The following FARS2 variants were observed in gnomAD, a reference collection of about 807,000 sequenced individuals.
FARS2 encodes phenylalanyl-tRNA synthetase 2, mitochondrial.
Under a neutral mutation model 46.4 loss-of-function variants are expected in FARS2, and 40 were observed. The observed-to-expected ratio is 0.86, with a 90% CI of 0.67 to 1.12. The LOEUF is 1.12. Ranked by LOEUF, FARS2 falls within the 50% of genes most tolerant of loss-of-function variation. The pLI, the probability that FARS2 is intolerant of heterozygous loss-of-function variation, is 0.00. For missense variants in FARS2, 513 were observed against 567.9 expected (o/e 0.90, Z 0.98); for synonymous variants, 234 against 214.9 (o/e 1.09, Z -0.78).
At chr6:5,332,615 G>A (rs999122025) in intron 1 of FARS2, among the ~76,000 whole-genome samples, 2 of 152,146 alleles carry the variant, frequency 1.3e-5, no homozygotes, top group Admixed American at 1.3e-4. Context: ...TTAAAATCAC[G>A]CTAACTCAGA....
chr6:5,403,599 A>G (rs557622781), intron 2 of FARS2, among the ~76,000 whole-genome samples: 3 of 152,120 alleles, frequency 2.0e-5, no homozygotes, highest in South Asian at 4.2e-4. Context: ...TACTTCTTCA[A>G]TGCTGTTAAG....
chr6:5,276,949 TA>T (rs1766378648), intron 1 of FARS2, among the ~76,000 whole-genome samples: 1 of 152,216 alleles, frequency 6.6e-6, no homozygotes, highest in African/African-American at 2.4e-5. Context: ...GAAATCCACC[TA>T]TTCCTCCTCA....
intron 6 of FARS2, among the ~76,000 whole-genome samples, chr6:5,633,559 C>T (rs867542743): frequency 2.6e-5 from 4 of 152,060 alleles, no homozygotes; most frequent in African/African-American, 4.8e-5. Context: ...TGAGCCACCA[C>T]GCCCGGCACC....
At chr6:5,365,317 C>CTT (rs61097603) in intron 1 of FARS2, among the ~76,000 whole-genome samples, 607 of 42,488 alleles carry the variant, frequency 0.014, 177 homozygotes, top group Middle Eastern at 0.045. Context: ...AGTATACTTT[C>CTT]TTTTTTTTTT....
At chr6:5,295,199 C>T (rs1767771425) in intron 1 of FARS2, among the ~76,000 whole-genome samples, 1 of 152,240 alleles carries the variant, frequency 6.6e-6, no homozygotes, top group Middle Eastern at 3.4e-3. Flanking sequence ...TATGTGCCGT[C>T]ATATACGTTA....
intron 1 of FARS2, among the ~76,000 whole-genome samples, chr6:5,279,907 A>G (rs1253703939): frequency 6.6e-6 from 1 of 152,224 alleles, no homozygotes; most frequent in Non-Finnish European, 1.5e-5. Context: ...CTCATCCAGA[A>G]ACATGCTCAT....
At position 5,261,588 on chromosome 6, in the gene FARS2, C is replaced by G. The variant is rs1035489835; in HGVS notation, c.-94C>G. ...GAAGTTGGGGTTTAAGATTCTTGCC[C>G]GTGAGAGCGAACGAGCCTGCCGTAC... On this transcript the variant is annotated 5_prime_UTR_variant, in exon 1 of 7. Transcript: ENST00000274680. The G allele has an allele frequency of 1.3e-5, 2 of 152,328 alleles. No homozygotes were observed. The highest frequency in any genetic ancestry group is 6.5e-5 in the Admixed American group (1 of 15,286). The allele number at this position is 152,328 out of a possible 1,614,324, so 9.4% of individuals were successfully genotyped here. A position where few individuals can be genotyped will look rare whatever the true frequency, so the allele number is the denominator to read the frequency against.
At chr6:5,710,695 G>T (rs922761843) in intron 6 of FARS2, among the ~76,000 whole-genome samples, 7 of 152,226 alleles carry the variant, frequency 4.6e-5, no homozygotes, top group African/African-American at 1.7e-4. Flanking sequence ...TGCCAGACAG[G>T]CAAGAGCTGC....
chr6:5,475,110 G>A (rs1255809555), intron 4 of FARS2, among the ~76,000 whole-genome samples: 2 of 152,210 alleles, frequency 1.3e-5, no homozygotes, highest in East Asian at 3.9e-4. Flanking sequence ...CTAAATGAAA[G>A]GATATGATTG....
chr6:5,622,860 A>C (rs1213709915), intron 6 of FARS2, among the ~76,000 whole-genome samples: 1 of 152,204 alleles, frequency 6.6e-6, no homozygotes, highest in South Asian at 2.1e-4. Context: ...GTCTTCCTGC[A>C]ATGTTTATAT....
At chr6:5,651,037 C>A (rs538735750) in intron 6 of FARS2, among the ~76,000 whole-genome samples, 2 of 152,324 alleles carry the variant, frequency 1.3e-5, no homozygotes, top group African/African-American at 4.8e-5. Context: ...GCTTTAACCT[C>A]AGTTGCCTCT....
intron 6 of FARS2, among the ~76,000 whole-genome samples, chr6:5,740,818 G>A (rs923610036): frequency 3.9e-5 from 6 of 152,206 alleles, no homozygotes; most frequent in African/African-American, 9.6e-5. Context: ...TCCAGGATCC[G>A]TGTTGTACTT....
chr6:5,477,840 G>T (rs1484381440), intron 4 of FARS2, among the ~76,000 whole-genome samples: 2 of 152,108 alleles, frequency 1.3e-5, no homozygotes, highest in East Asian at 3.9e-4. Context: ...GCAAGATAGT[G>T]AGACCTCATC....
At chr6:5,568,625 G>A (rs1439368998) in intron 5 of FARS2, among the ~76,000 whole-genome samples, 1 of 152,208 alleles carries the variant, frequency 6.6e-6, no homozygotes, top group Non-Finnish European at 1.5e-5. Context: ...ATAGTCTGTG[G>A]TTCAGTGTAG....
rs1762364883 is a variant in FARS2, at chr6:5,418,472, C to A, written c.773-12569C>A. On this transcript the variant is annotated intron_variant, in intron 3 of 6. Coordinates refer to ENST00000274680, the MANE Select transcript of FARS2 (RefSeq NM_006567.5). ...TGCGAGACCTGTCTTAGCTCTGTAACCGATAACCCGTGAATTATGAGGTTT... is the reference window on the plus strand; with the variant it reads ...TGCGAGACCTGTCTTAGCTCTGTAAACGATAACCCGTGAATTATGAGGTTT... Among the ~76,000 whole-genome samples the A allele has an allele frequency of 2.6e-5, 4 of 152,192 alleles. No homozygotes were observed. In the South Asian group the frequency reaches 8.3e-4, roughly 32 times the overall value.
intron 4 of FARS2, among the ~76,000 whole-genome samples, chr6:5,434,849 T>C (rs538073521): frequency 6.6e-6 from 1 of 152,264 alleles, no homozygotes; most frequent in African/African-American, 2.4e-5. Flanking sequence ...AACAATATAA[T>C]TGATGACTCC....
intron 5 of FARS2, among the ~76,000 whole-genome samples, chr6:5,558,903 A>G (rs1771825517): frequency 6.6e-6 from 1 of 152,098 alleles, no homozygotes; most frequent in African/African-American, 2.4e-5. Flanking sequence ...GACCCTTGTA[A>G]GAGTCCATAT....
chr6:5,763,195 T>G (rs2150980974), intron 6 of FARS2, among the ~76,000 whole-genome samples: 1 of 152,308 alleles, frequency 6.6e-6, no homozygotes, highest in South Asian at 2.1e-4. Context: ...AGCCTTGCCC[T>G]TTCTTCCTGT....
intron 1 of FARS2, among the ~76,000 whole-genome samples, chr6:5,273,324 G>A (rs981127280): frequency 2.0e-5 from 3 of 152,066 alleles, no homozygotes; most frequent in African/African-American, 4.8e-5. Flanking sequence ...CATCTGTGCC[G>A]GCATCTTTTA....
Sources: gnomAD v4.1 joint callset for allele counts (sites outside exome capture counted in the v4.1 genomes callset) on GRCh38, gnomAD v4.1.1 for gene constraint, MANE v1.5 for transcripts, NCBI Gene and HGNC (gene_info 2026-07-23, HGNC 2026-07-21) for gene names.